Variants in CNTNAP2 observed in about 807,000 individuals in gnomAD.
CNTNAP2 encodes contactin-associated protein-like 2.
A neutral mutation model predicts 155.2 loss-of-function variants in CNTNAP2; 98 were observed. The observed-to-expected ratio is 0.63, with a 90% CI of 0.54 to 0.75. The LOEUF (loss-of-function observed/expected upper bound fraction) is 0.75. Among genes scored for constraint, CNTNAP2 ranks in the 30% least tolerant of loss-of-function variants. The pLI is 0.00. For missense variants in CNTNAP2, 1,727 were observed against 1,688.1 expected, an observed-to-expected ratio of 1.02 and a Z score of -0.40; for synonymous variants, 651 against 631.2, an observed-to-expected ratio of 1.03 and a Z score of -0.47.
At chr7:146,964,463 C>G (rs1235888599) in intron 3 of CNTNAP2, among the ~76,000 whole-genome samples, 1 of 152,152 alleles carries the variant, frequency 6.6e-6, no homozygotes, top group Non-Finnish European at 1.5e-5. Flanking sequence ...CTCCTTAACA[C>G]CAAGTACAGA....
At chr7:147,323,891 CCTTTA>C (rs1367826138) in intron 9 of CNTNAP2, among the ~76,000 whole-genome samples, 1 of 109,672 alleles carries the variant, frequency 9.1e-6, no homozygotes, top group Non-Finnish European at 1.8e-5. Context: ...AAATTTCTTG[CCTTTA>C]ATTTGAGAGA....
chr7:147,274,736 A>G (rs1328508103), intron 8 of CNTNAP2, among the ~76,000 whole-genome samples: 1 of 151,928 alleles, frequency 6.6e-6, no homozygotes, highest in East Asian at 1.9e-4. Context: ...TTTCATCATA[A>G]ATTCTTTCCC....
intron 17 of CNTNAP2, among the ~76,000 whole-genome samples, chr7:148,160,397 G>A (rs539291390): frequency 5.8e-4 from 87 of 150,150 alleles, no homozygotes; most frequent in African/African-American, 1.7e-3. Context: ...GGGACAGAGC[G>A]AGACCCTAAC....
At chr7:148,071,179 A>G (rs7456839) in intron 15 of CNTNAP2, among the ~76,000 whole-genome samples, 57,783 of 152,022 alleles carry the variant, frequency 0.38, 12,494 homozygotes, top group East Asian at 0.81. Context: ...CCTGTCACAC[A>G]TCATCAGGAG....
chr7:147,665,554 T>A (rs1429972898), intron 13 of CNTNAP2, among the ~76,000 whole-genome samples: 1 of 152,204 alleles, frequency 6.6e-6, no homozygotes, highest in Admixed American at 6.5e-5. Flanking sequence ...TTGTACAGAT[T>A]ATTTCATCAC....
At chr7:147,311,512 T>C (rs2692170) in intron 9 of CNTNAP2, among the ~76,000 whole-genome samples, 74,527 of 151,878 alleles carry the variant, frequency 0.49, 19,469 homozygotes, top group East Asian at 0.73. Flanking sequence ...CCAGGCAGCG[T>C]GGCCTCAGCT....
intron 14 of CNTNAP2, among the ~76,000 whole-genome samples, chr7:147,945,312 G>A (rs1800799094): frequency 1.3e-5 from 2 of 152,108 alleles, no homozygotes; most frequent in Non-Finnish European, 1.5e-5. Flanking sequence ...AGAGGAAGAT[G>A]TGATTTTTTT....
intron 8 of CNTNAP2, among the ~76,000 whole-genome samples, chr7:147,159,769 G>T (rs1801991239): frequency 6.6e-6 from 1 of 152,082 alleles, no homozygotes; most frequent in African/African-American, 2.4e-5. Flanking sequence ...ATCATTTTGA[G>T]TCATCTAACC....
At chr7:147,096,104 T>C (rs76702889) in intron 4 of CNTNAP2, among the ~76,000 whole-genome samples, 3,025 of 152,326 alleles carry the variant, frequency 0.02, 48 homozygotes, top group South Asian at 0.064. Context: ...GGCAGATACA[T>C]ACTGGTTATT....
intron 15 of CNTNAP2, among the ~76,000 whole-genome samples, chr7:147,980,028 C>G (rs753054464): frequency 2.6e-5 from 4 of 152,146 alleles, no homozygotes; most frequent in Non-Finnish European, 5.9e-5. Context: ...CTTATTTGTT[C>G]TTAATAAATC....
intron 11 of CNTNAP2, among the ~76,000 whole-genome samples, chr7:147,511,232 G>A (rs1377457262): frequency 2.6e-5 from 4 of 151,952 alleles, no homozygotes; most frequent in East Asian, 1.9e-4. Flanking sequence ...GACAAAAGGT[G>A]ATACATTTAG....
intron 13 of CNTNAP2, among the ~76,000 whole-genome samples, chr7:147,851,263 C>T (rs1208741988): frequency 6.6e-6 from 1 of 152,116 alleles, no homozygotes; most frequent in Non-Finnish European, 1.5e-5. Context: ...ATTAAAAAGT[C>T]AGGAAACAAC....
At chr7:148,315,665 A>G (rs1365238280) in intron 21 of CNTNAP2, among the ~76,000 whole-genome samples, 3 of 152,246 alleles carry the variant, frequency 2.0e-5, no homozygotes, top group Admixed American at 2.0e-4. Flanking sequence ...GCAGGAATAA[A>G]TAATCAGAAA....
chr7:146,713,935 G>A (rs748496531), intron 1 of CNTNAP2, among the ~76,000 whole-genome samples: 1 of 152,064 alleles, frequency 6.6e-6, no homozygotes, highest in Non-Finnish European at 1.5e-5. Context: ...ACTAGCATAT[G>A]TATATAAAAA....
intron 3 of CNTNAP2, among the ~76,000 whole-genome samples, chr7:146,929,172 A>G (rs987458648): frequency 4.6e-5 from 7 of 152,162 alleles, no homozygotes; most frequent in Admixed American, 1.3e-4. Context: ...CGAGCAGCCT[A>G]ACTGGGAGGC....
At chr7:147,619,745 C>A (rs57004198) in intron 12 of CNTNAP2, among the ~76,000 whole-genome samples, 14,071 of 152,192 alleles carry the variant, frequency 0.092, 1,797 homozygotes, top group African/African-American at 0.27. Flanking sequence ...CCTGGGACCT[C>A]GGGTGACTCG....
In CNTNAP2 at chr7:147,487,068, C is replaced by T. The variant is rs543962034; in HGVS notation, c.1777+1027C>T. 8.5e-5 allele frequency among the ~76,000 whole-genome samples: 13 copies of T among 152,172 alleles called. No individual in the cohort carries two copies. The South Asian group carries it at 2.1e-3, about 24-fold the overall frequency. On this transcript the variant is annotated intron_variant, in intron 11 of 23. Coordinates refer to ENST00000361727, the MANE Select transcript of CNTNAP2 (RefSeq NM_014141.6). The stretch of plus-strand genomic sequence containing the variant: ...CAAGCAAACTATCTCAGAGTAGAGC[C>T]CTGTGTACAGTAAAAATGTCATACA...
chr7:146,639,239 G>A (rs1012790210), intron 1 of CNTNAP2, among the ~76,000 whole-genome samples: 15 of 152,146 alleles, frequency 9.9e-5, no homozygotes, highest in African/African-American at 3.6e-4. Flanking sequence ...TAAAATTCAT[G>A]CTATTTTTAC....
chr7:147,830,996 T>G (rs1421774665), intron 13 of CNTNAP2, among the ~76,000 whole-genome samples: 1 of 152,236 alleles, frequency 6.6e-6, no homozygotes, highest in Non-Finnish European at 1.5e-5. Context: ...CCTTGCTATC[T>G]ATACATAGGT....
Sources: allele counts gnomAD v4.1 joint callset (sites outside exome capture counted in the v4.1 genomes callset), GRCh38; gene constraint gnomAD v4.1.1; transcripts MANE v1.5; gene names NCBI Gene and HGNC (gene_info 2026-07-23, HGNC 2026-07-21).